STAC: variants seen among roughly 807,000 people sequenced by gnomAD.
STAC encodes SH3 and cysteine-rich domain-containing protein.
STAC carries 43 observed loss-of-function variants against 48.8 expected under a neutral mutation model. That is an observed-to-expected ratio of 0.88 (90% confidence interval 0.69 to 1.14). STAC has a LOEUF of 1.14. Among genes scored for constraint, STAC ranks in the 50% most tolerant of loss-of-function variants. The probability of loss-of-function intolerance (pLI) is 0.00; values close to 1 mark genes in which losing one functional copy is unlikely to be tolerated. For synonymous variants in STAC, 193 were observed against 179.5 expected, an observed-to-expected ratio of 1.07 and a Z score of -0.60; for missense variants, 497 against 504.0, an observed-to-expected ratio of 0.99 and a Z score of 0.13.
intron 2 of STAC, among the ~76,000 whole-genome samples, chr3:36,444,749 T>G (rs562543710): frequency 1.3e-5 from 2 of 152,336 alleles, no homozygotes; most frequent in African/African-American, 4.8e-5. Flanking sequence ...CAATATGTAA[T>G]CTACCATTTA....
intron 1 of STAC, among the ~76,000 whole-genome samples, chr3:36,431,850 T>C (rs1700712880): frequency 6.6e-6 from 1 of 152,192 alleles, no homozygotes; most frequent in South Asian, 2.1e-4. Flanking sequence ...CTTGTCATCT[T>C]GTAGTTCAGA....
chr3:36,439,203 C>T (rs1696248076), intron 1 of STAC, among the ~76,000 whole-genome samples: 1 of 152,168 alleles, frequency 6.6e-6, no homozygotes, highest in Non-Finnish European at 1.5e-5. Context: ...GTTGCTTAAC[C>T]ACCCTCAGCT....
chr3:36,421,699 T>C (rs1324477513), intron 1 of STAC, among the ~76,000 whole-genome samples: 1 of 152,178 alleles, frequency 6.6e-6, no homozygotes. Context: ...TGAATTTCTT[T>C]AATGATTTTC....
chr3:36,509,523 T>C (rs576463165), intron 8 of STAC, among the ~76,000 whole-genome samples: 1 of 152,284 alleles, frequency 6.6e-6, no homozygotes, highest in African/African-American at 2.4e-5. Flanking sequence ...ATTCTCCCCA[T>C]CACTTTCAGG....
chr3:36,513,461 G>A (rs1559520630), intron 8 of STAC, among the ~76,000 whole-genome samples: 1 of 152,056 alleles, frequency 6.6e-6, no homozygotes, highest in Non-Finnish European at 1.5e-5. Flanking sequence ...ATCTTACCTG[G>A]ACTGTTGTAA....
Position 36,528,396 on chromosome 3 carries a change from G to A in STAC, c.921-300G>A, listed in dbSNP as rs538957020. 4.6e-5 allele frequency among the ~76,000 whole-genome samples: 7 copies of A among 151,528 alleles called. 1 individual carries two copies. The East Asian group carries it at 1.2e-3, about 25-fold the overall frequency. On this transcript the variant is annotated intron_variant, in intron 8 of 10. Transcript: ENST00000273183. ...AGGCAGGAGAATAGCTTGAACCAGC[G>A]AGTCAGAGGTTGCAGTGAGCCAAGA...
rs1325797487 is a variant in STAC, at chr3:36,495,543, T to C, written c.766+2314T>C. Among the ~76,000 whole-genome samples, 5 of 152,346 alleles carry C rather than the reference T, an allele frequency of 3.3e-5. No individual in the cohort carries two copies. In the East Asian group the frequency reaches 9.6e-4, roughly 29 times the overall value. On this transcript the variant is annotated intron_variant, in intron 6 of 10. Transcript: ENST00000273183. ...ACGTAATCCATCAGCAAACTCTATC[T>C]GCTGCTTCTCAAAATTATGCCCAGC...
chr3:36,383,836 G>A (rs747097295), intron 1 of STAC, among the ~76,000 whole-genome samples: 1 of 152,140 alleles, frequency 6.6e-6, no homozygotes, highest in Non-Finnish European at 1.5e-5. Flanking sequence ...GGAAATTGAG[G>A]CCCAAAAAGG....
chr3:36,544,908 C>T (rs562487085), intron 10 of STAC, among the ~76,000 whole-genome samples: 248 of 152,332 alleles, frequency 1.6e-3, no homozygotes, highest in African/African-American at 5.0e-3. Context: ...GTTTCTCACA[C>T]AGTAGATCTC....
At chr3:36,526,269 T>C (rs945264298) in intron 8 of STAC, among the ~76,000 whole-genome samples, 1 of 152,112 alleles carries the variant, frequency 6.6e-6, no homozygotes, top group Non-Finnish European at 1.5e-5. Context: ...CCCATATTCA[T>C]GCCCCTGTCA....
chr3:36,399,934 T>A (rs1003382301), intron 1 of STAC, among the ~76,000 whole-genome samples: 1 of 152,160 alleles, frequency 6.6e-6, no homozygotes, highest in Non-Finnish European at 1.5e-5. Flanking sequence ...GAGGCACTCA[T>A]GTGCAAGTGC....
intron 8 of STAC, among the ~76,000 whole-genome samples, chr3:36,515,975 C>CTTTTTT (rs1203330014): frequency 9.8e-5 from 6 of 61,446 alleles, no homozygotes; most frequent in African/African-American, 1.4e-4. Flanking sequence ...CATTTTTCTC[C>CTTTTTT]TTTTTTTTTT....
intron 2 of STAC, among the ~76,000 whole-genome samples, chr3:36,452,468 T>C (rs1304773311): frequency 6.6e-6 from 1 of 152,196 alleles, no homozygotes; most frequent in Non-Finnish European, 1.5e-5. Context: ...GACACCATGG[T>C]GTGCTGTGTT....
At chr3:36,430,309 T>C (rs1700669758) in intron 1 of STAC, among the ~76,000 whole-genome samples, 2 of 152,164 alleles carry the variant, frequency 1.3e-5, no homozygotes, top group Non-Finnish European at 2.9e-5. Context: ...GGTAGAATGA[T>C]AGGGCACCTG....
intron 1 of STAC, among the ~76,000 whole-genome samples, chr3:36,387,087 G>GTCTAAATTCAAGCC (rs1699633648): frequency 6.6e-6 from 1 of 152,018 alleles, no homozygotes; most frequent in African/African-American, 2.4e-5. Flanking sequence ...AACTTTTGCT[G>GTCTAAATTCAAGCC]TCTAAATTCA....
intron 10 of STAC, among the ~76,000 whole-genome samples, chr3:36,529,480 A>T (rs1699016304): frequency 6.6e-6 from 1 of 152,212 alleles, no homozygotes. Flanking sequence ...TTAGATAACC[A>T]GATACTATCT....
In STAC at chr3:36,523,460, A is replaced by G. The variant is rs911364148; in HGVS notation, c.921-5236A>G. ...AGCAAAACCTTTACCTGAATGTACA[A>G]TGCTCTGATTGAACTAAGCAAAGGA... On this transcript the variant is annotated intron_variant, in intron 8 of 10. Transcript: ENST00000273183. 7.9e-5 allele frequency among the ~76,000 whole-genome samples: 12 copies of G among 152,376 alleles called. No homozygotes were observed. In the East Asian group the frequency reaches 2.3e-3, roughly 29 times the overall value.
At chr3:36,540,775 G>A (rs185011509) in intron 10 of STAC, among the ~76,000 whole-genome samples, 11 of 152,250 alleles carry the variant, frequency 7.2e-5, no homozygotes, top group South Asian at 4.1e-4. Flanking sequence ...TTGACTCCGT[G>A]ATTTTGGCCT....
At chr3:36,417,340 TTC>T (rs1211747744) in intron 1 of STAC, among the ~76,000 whole-genome samples, 2 of 151,886 alleles carry the variant, frequency 1.3e-5, no homozygotes, top group African/African-American at 4.8e-5. Context: ...GCCTTCAACC[TTC>T]TTCCTGTCTA....
Sources: allele counts gnomAD v4.1 joint callset (sites outside exome capture counted in the v4.1 genomes callset), GRCh38; gene constraint gnomAD v4.1.1; transcripts MANE v1.5; gene names NCBI Gene and HGNC (gene_info 2026-07-23, HGNC 2026-07-21).